Variants in MTMR10 observed in about 807,000 individuals in gnomAD.
The protein encoded by MTMR10 is myotubularin related protein 10.
MTMR10 carries 56 observed loss-of-function variants against 88.1 expected under a neutral mutation model. That is an observed-to-expected ratio of 0.64 (90% CI 0.51 to 0.79). MTMR10 has a LOEUF of 0.79. MTMR10 is among the 30% of genes least tolerant of loss of function. MTMR10 has a pLI of 0.00. For missense variants in MTMR10, 883 were observed against 924.7 expected (o/e 0.95, Z 0.58); for synonymous variants, 380 against 340.9 (o/e 1.11, Z -1.26).
the MTMR10 span, chr15:30,926,062 T>A: frequency 1.0e-6 from 1 of 995,220 alleles, no homozygotes; most frequent in South Asian, 1.5e-5. Context: ...GAAGATGCTG[T>A]GGGCTGGGGG....
chr15:30,946,923 T>C (rs1459510626), intron 14 of MTMR10: 2 of 655,130 alleles, frequency 3.1e-6, no homozygotes, highest in African/African-American at 3.7e-5. Flanking sequence ...ACATTTACAT[T>C]AGAGTAAAAC....
At chr15:30,952,797 T>A (rs1190823716) in intron 11 of MTMR10, among the ~76,000 whole-genome samples, 2 of 149,102 alleles carry the variant, frequency 1.3e-5, no homozygotes, top group East Asian at 3.9e-4. Flanking sequence ...ACTTTGTAAA[T>A]TTTTTTTTTT....
At chr15:30,926,650 A>G in the MTMR10 span, 1 of 985,176 alleles carries the variant, frequency 1.0e-6, no homozygotes, top group Non-Finnish European at 1.2e-6. Context: ...ATGCCAGTGA[A>G]GACAGAGAGA....
At position 30,989,085 on chromosome 15, in the gene MTMR10, C is replaced by T. The variant is rs1399389651; in HGVS notation, c.121+1692G>A. ...ACCATGTTGTTTCTGAGTGTGAAAT[C>T]ATAGTATGCAGAGTGGAGGAATCAA... On this transcript the variant is annotated intron_variant, in intron 2 of 15. Transcript: ENST00000435680. Among the ~76,000 whole-genome samples, 3 of 151,700 alleles carry T rather than the reference C, an allele frequency of 2.0e-5. No individual in the cohort carries two copies. The South Asian group carries it at 6.2e-4, about 32-fold the overall frequency.
Position 30,939,716 on chromosome 15 carries a change from T to TAATA in MTMR10, c.*1750_*1753dup. 5 of 975,800 alleles carry TAATA rather than the reference T, an allele frequency of 5.1e-6. No homozygotes were observed. The highest frequency in any genetic ancestry group is 4.9e-6 in the Non-Finnish European group (4 of 821,242). The allele number at this position is 975,800 out of a possible 1,614,324, so 60.4% of individuals were successfully genotyped here. A position where few individuals can be genotyped will look rare whatever the true frequency, so the allele number is the denominator to read the frequency against. On this transcript the variant is annotated 3_prime_UTR_variant, in exon 16 of 16. Coordinates refer to ENST00000435680, the MANE Select transcript of MTMR10 (RefSeq NM_017762.3). Reference sequence around the variant, plus strand: ...AAAATGCTCAATCCAAAACATTTAGTAATAATAAAAAAGCAGCTAAATGAA... The same window carrying TAATA: ...AAAATGCTCAATCCAAAACATTTAGTAATAAATAATAAAAAAGCAGCTAAATGAA...
At chr15:30,977,562 G>A (rs372239827) in intron 2 of MTMR10, among the ~76,000 whole-genome samples, 5 of 152,138 alleles carry the variant, frequency 3.3e-5, no homozygotes, top group African/African-American at 1.2e-4. Context: ...ATGTACTTTT[G>A]AAAGAATACT....
chr15:30,987,391 T>C (rs2031007946), intron 2 of MTMR10, among the ~76,000 whole-genome samples: 1 of 152,232 alleles, frequency 6.6e-6, no homozygotes, highest in African/African-American at 2.4e-5. Flanking sequence ...GTTTCATGTA[T>C]CAGGAAAGCT....
chr15:30,968,359 A>T (rs556770314), intron 5 of MTMR10: 1 of 186,484 alleles, frequency 5.4e-6, no homozygotes, highest in Admixed American at 6.1e-5. Flanking sequence ...CCAAAAAAGG[A>T]AGAAAAAAGT....
intron 13 of MTMR10, 78 bp downstream of exon 13, chr15:30,948,224 C>T (rs2063197950): frequency 6.0e-6 from 8 of 1,328,948 alleles, no homozygotes; most frequent in African/African-American, 1.5e-5. Flanking sequence ...TTTTTAAAAG[C>T]CCCTTCATCT....
chr15:30,975,893 C>G (rs976426427), intron 3 of MTMR10, among the ~76,000 whole-genome samples: 1 of 151,750 alleles, frequency 6.6e-6, no homozygotes, highest in African/African-American at 2.4e-5. Flanking sequence ...CTTTATAAAA[C>G]AAAATACAAA....
At chr15:30,950,542 T>C (rs965390426) in intron 12 of MTMR10, among the ~76,000 whole-genome samples, 1 of 152,004 alleles carries the variant, frequency 6.6e-6, no homozygotes, top group Non-Finnish European at 1.5e-5. Flanking sequence ...TGGTGGTGCA[T>C]GCTTGTAATC....
intron 2 of MTMR10, among the ~76,000 whole-genome samples, chr15:30,983,480 T>G (rs979603579): frequency 6.6e-6 from 1 of 152,160 alleles, no homozygotes; most frequent in Non-Finnish European, 1.5e-5. Context: ...CTCAAAACCA[T>G]GTTGTATTAT....
At chr15:30,928,672 TGCCCCACGAGTAG>T in the MTMR10 span, 1 of 1,613,670 alleles carries the variant, frequency 6.2e-7, no homozygotes, top group Non-Finnish European at 8.5e-7. Context: ...CCAGTGCCCC[TGCCCCACGAGTAG>T]GTCCTTCTGC....
the MTMR10 span, among the ~76,000 whole-genome samples, chr15:30,918,864 T>C: frequency 1.3e-5 from 2 of 152,192 alleles, no homozygotes; most frequent in Non-Finnish European, 1.5e-5. Flanking sequence ...ATTTAGGATA[T>C]ACAGTTGACC....
At chr15:30,943,784 G>A (rs537592856) in intron 14 of MTMR10, 28 of 985,444 alleles carry the variant, frequency 2.8e-5, no homozygotes, top group African/African-American at 2.6e-4. Context: ...CCACCGCATT[G>A]TGAGGAAGAC....
At chr15:30,946,174 C>G (rs1312597974) in intron 14 of MTMR10, 1 of 152,300 alleles carries the variant, frequency 6.6e-6, no homozygotes, top group African/African-American at 2.4e-5. Flanking sequence ...TAAGTTCTCC[C>G]TCCTGCAATA....
chr15:30,928,508 G>T, the MTMR10 span: 10 of 935,376 alleles, frequency 1.1e-5, no homozygotes, highest in African/African-American at 1.6e-5. Flanking sequence ...AACAGATTTT[G>T]TGTGTGTGTG....
chr15:30,945,530 G>GCCTTTGTCCT (rs1413022402), intron 14 of MTMR10, among the ~76,000 whole-genome samples: 1 of 119,750 alleles, frequency 8.4e-6, no homozygotes, highest in Non-Finnish European at 1.8e-5. Flanking sequence ...CTCGCCTCAC[G>GCCTTTGTCCT]CACCTTTTGC....
At chr15:30,981,426 T>C (rs1200188370) in intron 2 of MTMR10, among the ~76,000 whole-genome samples, 2 of 151,512 alleles carry the variant, frequency 1.3e-5, no homozygotes, top group African/African-American at 2.4e-5. Flanking sequence ...CCTGCTCACA[T>C]GACACAAGGG....
Sources: allele counts gnomAD v4.1 joint callset (sites outside exome capture counted in the v4.1 genomes callset), GRCh38; gene constraint gnomAD v4.1.1; transcripts MANE v1.5; gene names NCBI Gene and HGNC (gene_info 2026-07-23, HGNC 2026-07-21).